The following DDAH1 variants were observed in gnomAD, a reference collection of about 807,000 sequenced individuals.
DDAH1 encodes dimethylarginine dimethylaminohydrolase 1.
DDAH1 carries 19 observed loss-of-function variants against 28.8 expected under a neutral mutation model. That is an observed-to-expected ratio of 0.66 (90% CI 0.46 to 0.97). The LOEUF is 0.97. DDAH1 is among the 50% of genes least tolerant of loss of function. The pLI, the probability that DDAH1 is intolerant of heterozygous loss-of-function variation, is 0.00. For synonymous variants in DDAH1, 153 were observed against 154.4 expected, an observed-to-expected ratio of 0.99 and a Z score of 0.07; for missense variants, 326 against 375.9, an observed-to-expected ratio of 0.87 and a Z score of 1.10.
intron 1 of DDAH1, among the ~76,000 whole-genome samples, chr1:85,419,955 T>G (rs1213579323): frequency 6.6e-6 from 1 of 152,166 alleles, no homozygotes; most frequent in Non-Finnish European, 1.5e-5. Flanking sequence ...GGCTTATCAT[T>G]TTTTGGAGAG....
At chr1:85,559,188 C>T (rs1659071041) in intron 1 of DDAH1, among the ~76,000 whole-genome samples, 1 of 152,196 alleles carries the variant, frequency 6.6e-6, no homozygotes, top group African/African-American at 2.4e-5. Context: ...TGACTTTTCA[C>T]TTTGACTAGT....
chr1:85,383,290 G>T (rs910680976), intron 1 of DDAH1, among the ~76,000 whole-genome samples: 5 of 152,194 alleles, frequency 3.3e-5, no homozygotes, highest in Non-Finnish European at 7.3e-5. Context: ...AATGGTTTAA[G>T]ACTTCAGTAG....
At chr1:85,470,985 C>T (rs1655598414) in intron 2 of DDAH1, among the ~76,000 whole-genome samples, 1 of 152,116 alleles carries the variant, frequency 6.6e-6, no homozygotes, top group African/African-American at 2.4e-5. Flanking sequence ...CTTAGTGTAC[C>T]CAAGACCCGT....
intron 1 of DDAH1, among the ~76,000 whole-genome samples, chr1:85,529,551 C>T (rs1395887830): frequency 7.0e-6 from 1 of 143,364 alleles, no homozygotes; most frequent in Non-Finnish European, 1.5e-5. Flanking sequence ...AACTTCTCCC[C>T]AACCAAGAGC....
rs558722369 is a variant in DDAH1, at chr1:85,508,780, C to T, written c.-122-12499G>A. Among the ~76,000 whole-genome samples, 46 of 152,332 alleles carry T rather than the reference C, an allele frequency of 3.0e-4. No individual in the cohort carries two copies. In the East Asian group the frequency reaches 5.2e-3, roughly 17 times the overall value. On this transcript the variant is annotated intron_variant, in intron 1 of 6. Coordinates refer to the DDAH1 transcript ENST00000426972. Reference sequence around the variant, plus strand: ...GCCTGGCTGATGGAGGGGTGTCCACCATTGCTGAGGCTTGAGTAGGTAAAC... The same window carrying T: ...GCCTGGCTGATGGAGGGGTGTCCACTATTGCTGAGGCTTGAGTAGGTAAAC...
At chr1:85,327,612 C>T (rs899268836) in intron 4 of DDAH1, among the ~76,000 whole-genome samples, 3 of 152,188 alleles carry the variant, frequency 2.0e-5, no homozygotes, top group Admixed American at 1.3e-4. Context: ...AGAGCATGGG[C>T]TTCAGAGTCA....
intron 1 of DDAH1, among the ~76,000 whole-genome samples, chr1:85,427,061 T>A (rs1653435536): frequency 6.6e-6 from 1 of 152,044 alleles, no homozygotes; most frequent in African/African-American, 2.4e-5. Flanking sequence ...CAAATAAGTC[T>A]CAGAAAAGTT....
chr1:85,514,014 A>C (rs567255251), intron 1 of DDAH1, among the ~76,000 whole-genome samples: 3 of 152,300 alleles, frequency 2.0e-5, no homozygotes, highest in Admixed American at 6.5e-5. Context: ...TATATACCCA[A>C]AGGATTATAA....
At chr1:85,542,673 G>C (rs1040351954) in intron 1 of DDAH1, among the ~76,000 whole-genome samples, 4 of 152,182 alleles carry the variant, frequency 2.6e-5, no homozygotes, top group African/African-American at 7.2e-5. Flanking sequence ...GGGAGAAAGT[G>C]ATGGCACCAA....
chr1:85,434,403 C>T (rs1434313160), intron 1 of DDAH1, among the ~76,000 whole-genome samples: 2 of 150,986 alleles, frequency 1.3e-5, no homozygotes, highest in East Asian at 2.0e-4. Flanking sequence ...ATTAAAGTAT[C>T]ATATTGTATG....
At chr1:85,472,776 G>A (rs1241568651) in intron 2 of DDAH1, among the ~76,000 whole-genome samples, 5 of 152,130 alleles carry the variant, frequency 3.3e-5, no homozygotes, top group African/African-American at 1.2e-4. Flanking sequence ...ACATGGATAT[G>A]TTGCATAATG....
chr1:85,523,497 A>C (rs1657760976), intron 1 of DDAH1, among the ~76,000 whole-genome samples: 1 of 152,160 alleles, frequency 6.6e-6, no homozygotes, highest in Admixed American at 6.6e-5. Context: ...ATTTTGTATG[A>C]AACATGGAGA....
rs233077 is a variant in DDAH1, at chr1:85,345,178, T to G, written c.597+5237A>C. ...TTTGCCTCTTGTTTAACTATGTGCATGAAAGAATAGAATATTTATTCTTTG... is the reference window on the plus strand; with the variant it reads ...TTTGCCTCTTGTTTAACTATGTGCAGGAAAGAATAGAATATTTATTCTTTG... On this transcript the variant is annotated intron_variant, in intron 4 of 5. Transcript: ENST00000284031. Among the ~76,000 whole-genome samples, 1,116 of 152,282 alleles carry G rather than the reference T, an allele frequency of 7.3e-3. 17 individuals are homozygous for G. Among genetic ancestry groups the G allele is most frequent in the African/African-American group, 0.026 (1,063 of 41,550 alleles).
intron 1 of DDAH1, among the ~76,000 whole-genome samples, chr1:85,410,391 G>A (rs1230380418): frequency 3.3e-5 from 5 of 152,156 alleles, no homozygotes; most frequent in Non-Finnish European, 5.9e-5. Flanking sequence ...TGTAATCCCA[G>A]CACTTTGGGA....
In DDAH1 at chr1:85,557,103, C is replaced by T. The variant is rs570637070; in HGVS notation, c.-123+20881G>A. Among the ~76,000 whole-genome samples, 4 of 152,140 alleles carry T rather than the reference C, an allele frequency of 2.6e-5. 1 individual carries two copies. Among genetic ancestry groups the T allele is most frequent in the South Asian group, 4.2e-4 (2 of 4,810 alleles). Reference sequence around the variant, plus strand: ...TTGTACTCCAGCCTGGGTGACAGAGCGAGACTCTGTCTCAAAAGAAATAGA... The same window carrying T: ...TTGTACTCCAGCCTGGGTGACAGAGTGAGACTCTGTCTCAAAAGAAATAGA... On this transcript the variant is annotated intron_variant, in intron 1 of 6. Coordinates refer to the DDAH1 transcript ENST00000426972.
intron 1 of DDAH1, among the ~76,000 whole-genome samples, chr1:85,397,625 T>C (rs371194706): frequency 3.9e-5 from 6 of 152,346 alleles, no homozygotes; most frequent in East Asian, 3.9e-4. Context: ...TTCTCCTTAA[T>C]ATGATTATTT....
At chr1:85,343,537 T>TAAGA (rs1311043936) in intron 4 of DDAH1, among the ~76,000 whole-genome samples, 10 of 152,132 alleles carry the variant, frequency 6.6e-5, no homozygotes, top group Admixed American at 5.2e-4. Flanking sequence ...AGCCAGATAG[T>TAAGA]AAGACAAAAT....
rs1284554032 is a variant in DDAH1, at chr1:85,407,752, T to C, written c.304-48905A>G. Among the ~76,000 whole-genome samples the C allele has an allele frequency of 3.9e-5, 6 of 152,302 alleles. No individual in the cohort carries two copies. In the East Asian group the frequency reaches 1.2e-3, roughly 29 times the overall value. ...ATGAAACATTACCCTAAACAATAATTTGTGCATTTAAAATTGGTAAACATT... is the reference window on the plus strand; with the variant it reads ...ATGAAACATTACCCTAAACAATAATCTGTGCATTTAAAATTGGTAAACATT... On this transcript the variant is annotated intron_variant, in intron 1 of 5. Coordinates refer to ENST00000284031, the MANE Select transcript of DDAH1 (RefSeq NM_012137.4).
chr1:85,386,336 G>A (rs1176450188), intron 1 of DDAH1, among the ~76,000 whole-genome samples: 1 of 152,166 alleles, frequency 6.6e-6, no homozygotes, highest in Non-Finnish European at 1.5e-5. Flanking sequence ...TACAATGTTT[G>A]TACAGGCACT....
Sources: allele counts gnomAD v4.1 joint callset (sites outside exome capture counted in the v4.1 genomes callset), GRCh38; gene constraint gnomAD v4.1.1; transcripts MANE v1.5; gene names NCBI Gene and HGNC (gene_info 2026-07-23, HGNC 2026-07-21).